RBFOX3: variants seen among roughly 807,000 people sequenced by gnomAD.
The protein encoded by RBFOX3 is RNA binding fox-1 homolog 3.
Under a neutral mutation model 48.7 loss-of-function variants are expected in RBFOX3, and 17 were observed. The observed-to-expected ratio is 0.35, with a 90% confidence interval of 0.24 to 0.52. RBFOX3 has a LOEUF of 0.52. Among genes scored for constraint, RBFOX3 ranks in the 20% least tolerant of loss-of-function variants. RBFOX3 has a pLI of 0.94. For synonymous variants in RBFOX3, 212 were observed against 209.5 expected, an observed-to-expected ratio of 1.01 and a Z score of -0.10; for missense variants, 382 against 497.5, an observed-to-expected ratio of 0.77 and a Z score of 2.21.
At chr17:79,582,198 G>A (rs36143882) in intron 1 of RBFOX3, among the ~76,000 whole-genome samples, 4,942 of 137,528 alleles carry the variant, frequency 0.036, 160 homozygotes, top group Admixed American at 0.076. Flanking sequence ...GTGCCTGCCC[G>A]TGTATGTGCC....
rs896409488 is a variant in RBFOX3, at chr17:79,205,834, T to A, written c.-34+29932A>T. Reference sequence around the variant, plus strand: ...CATGTCCATAAAGAGTCAAAAGCAGTTGGCTTTTTTTTTTTTTTTCCTTAA... The same window carrying A: ...CATGTCCATAAAGAGTCAAAAGCAGATGGCTTTTTTTTTTTTTTTCCTTAA... On this transcript the variant is annotated intron_variant, in intron 4 of 14. Transcript: ENST00000693108. The surrounding 1 kb of genome is among the most constrained non-coding windows in gnomAD (Gnocchi z 4.5). 1.2e-5 allele frequency among the ~76,000 whole-genome samples: 1 copy of A among 84,046 alleles called. No homozygotes were observed. The highest frequency in any genetic ancestry group is 3.3e-5 in the African/African-American group (1 of 30,430). 55.1% of individuals were successfully genotyped at this position (84,046 alleles called of 152,430 possible). A position where few individuals can be genotyped will look rare whatever the true frequency, so the allele number is the denominator to read the frequency against.
In RBFOX3 at chr17:79,097,275, C is replaced by T. The variant is rs1160876045; in HGVS notation, c.755+17G>A. The T allele has an allele frequency of 1.3e-6, 2 of 1,533,966 alleles. No individual in the cohort carries two copies. Among genetic ancestry groups the T allele is most frequent in the East Asian group, 2.5e-5 (1 of 40,406 alleles). On this transcript the variant is annotated intron_variant, in intron 11 of 14. Coordinates refer to ENST00000693108, the MANE Select transcript of RBFOX3 (RefSeq NM_001350451.2). ...TCCTACCCCCTCCTCCACGCCTCCC[C>T]CGGCCCAGGTACTCACGCTCCGTAA... is the stretch of plus-strand genomic sequence containing the variant.
chr17:79,402,928 T>G (rs1227742420), intron 2 of RBFOX3, among the ~76,000 whole-genome samples: 1 of 152,130 alleles, frequency 6.6e-6, no homozygotes, highest in Non-Finnish European at 1.5e-5. Flanking sequence ...AGCAGGAGCC[T>G]GACCCACAGG....
At chr17:79,258,551 C>T (rs1183250684) in intron 3 of RBFOX3, among the ~76,000 whole-genome samples, 1 of 152,166 alleles carries the variant, frequency 6.6e-6, no homozygotes, top group African/African-American at 2.4e-5. Flanking sequence ...CTGGATGGAG[C>T]CAGGACCACT....
intron 2 of RBFOX3, among the ~76,000 whole-genome samples, chr17:79,397,220 C>G (rs149591774): frequency 6.6e-6 from 1 of 152,102 alleles, no homozygotes; most frequent in African/African-American, 2.4e-5. Flanking sequence ...CAGTGGCTCA[C>G]GCCTGAAATC....
At chr17:79,318,424 C>T (rs1282762831) in intron 2 of RBFOX3, among the ~76,000 whole-genome samples, 1 of 152,164 alleles carries the variant, frequency 6.6e-6, no homozygotes, top group Non-Finnish European at 1.5e-5. Context: ...TAGCCACCAC[C>T]CCTTACACCA....
chr17:79,475,167 C>T (rs1255225119), intron 2 of RBFOX3, among the ~76,000 whole-genome samples: 1 of 152,216 alleles, frequency 6.6e-6, no homozygotes, highest in African/African-American at 2.4e-5. Context: ...GGGTGGGGGA[C>T]AGAGAATGAT....
the RBFOX3 span, among the ~76,000 whole-genome samples, chr17:79,636,925 G>A: frequency 6.6e-5 from 10 of 152,190 alleles, no homozygotes; most frequent in African/African-American, 1.9e-4. Context: ...TAAGAGACTC[G>A]TTTTAGCTTT....
the RBFOX3 span, among the ~76,000 whole-genome samples, chr17:79,661,024 C>A: frequency 6.6e-6 from 1 of 152,182 alleles, no homozygotes; most frequent in Admixed American, 6.5e-5. Flanking sequence ...TAAACTAACA[C>A]AGGAACAGAA....
chr17:79,251,536 G>A (rs2063955916), intron 3 of RBFOX3, among the ~76,000 whole-genome samples: 1 of 152,086 alleles, frequency 6.6e-6, no homozygotes, highest in African/African-American at 2.4e-5. Context: ...TTGCCTCTAG[G>A]TCCTATGCAT....
chr17:79,325,425 T>C (rs1225216192), intron 2 of RBFOX3, among the ~76,000 whole-genome samples: 5 of 152,300 alleles, frequency 3.3e-5, no homozygotes, highest in Non-Finnish European at 7.3e-5. Context: ...GGCAGCACTG[T>C]GGGGAAATCT....
chr17:79,630,620 G>A, the RBFOX3 span, among the ~76,000 whole-genome samples: 1 of 152,086 alleles, frequency 6.6e-6, no homozygotes, highest in Admixed American at 6.5e-5. Context: ...GGCTTCTCAG[G>A]AAAAGGCCCA....
intron 2 of RBFOX3, among the ~76,000 whole-genome samples, chr17:79,339,239 A>G (rs2081661115): frequency 6.6e-6 from 1 of 152,074 alleles, no homozygotes; most frequent in African/African-American, 2.4e-5. Context: ...ATTTGTTTGT[A>G]GAGACAGGGT....
intron 3 of RBFOX3, among the ~76,000 whole-genome samples, chr17:79,264,094 C>CTT (rs559845696): frequency 1.3e-3 from 189 of 141,768 alleles, no homozygotes; most frequent in Middle Eastern, 0.011. Flanking sequence ...CTGTTGGCAT[C>CTT]TTTTTTTTTT....
At chr17:79,434,982 C>T (rs781804730) in intron 2 of RBFOX3, among the ~76,000 whole-genome samples, 12 of 152,132 alleles carry the variant, frequency 7.9e-5, no homozygotes, top group East Asian at 7.7e-4. Context: ...TGTGTGAATC[C>T]GTGCAAAGAA....
intron 3 of RBFOX3, among the ~76,000 whole-genome samples, chr17:79,247,827 A>G (rs2063385642): frequency 6.6e-6 from 1 of 151,844 alleles, no homozygotes; most frequent in Admixed American, 6.6e-5. Context: ...TGGTTGGTAA[A>G]CCTCCCATGG....
intron 1 of RBFOX3, among the ~76,000 whole-genome samples, chr17:79,605,353 G>C (rs2093803069): frequency 6.6e-6 from 1 of 152,172 alleles, no homozygotes; most frequent in African/African-American, 2.4e-5. Flanking sequence ...TCTATGCTCA[G>C]GCAGTTTCCT....
chr17:79,099,629 C>G (rs1286940957), intron 9 of RBFOX3: 1 of 152,226 alleles, frequency 6.6e-6, no homozygotes, highest in Non-Finnish European at 1.5e-5. Flanking sequence ...CCCTGGGCAC[C>G]TTCACCTGTC....
chr17:79,217,294 C>T (rs541838278), intron 4 of RBFOX3, among the ~76,000 whole-genome samples: 143 of 152,318 alleles, frequency 9.4e-4, no homozygotes, highest in African/African-American at 3.4e-3. Flanking sequence ...AAGCCATGCC[C>T]ATGGGAGGTG....
Sources: allele counts gnomAD v4.1 joint callset (sites outside exome capture counted in the v4.1 genomes callset), GRCh38; gene constraint gnomAD v4.1.1; non-coding constraint Gnocchi (gnomAD v3.1); transcripts MANE v1.5; gene names NCBI Gene and HGNC (gene_info 2026-07-23, HGNC 2026-07-21).